GAP43: variants seen among roughly 807,000 people sequenced by gnomAD.
GAP43 encodes the protein growth associated protein 43.
Under a neutral mutation model 18.6 loss-of-function variants are expected in GAP43, and 6 were observed. That is an observed-to-expected ratio of 0.32 (90% confidence interval 0.18 to 0.64). The LOEUF is 0.64. Among genes scored for constraint, GAP43 ranks in the 30% least tolerant of loss-of-function variants. The pLI is 0.78. For synonymous variants in GAP43, 115 were observed against 111.4 expected (o/e 1.03, Z -0.20); for missense variants, 292 against 295.5 (o/e 0.99, Z 0.09).
chr3:115,676,887 T>C (rs1349730536), intron 2 of GAP43, among the ~76,000 whole-genome samples: 3 of 152,200 alleles, frequency 2.0e-5, no homozygotes, highest in African/African-American at 4.8e-5. Context: ...TGGATTGATA[T>C]ATGCAGTCAA....
intron 2 of GAP43, among the ~76,000 whole-genome samples, chr3:115,682,108 A>G (rs1708964929): frequency 6.6e-6 from 1 of 152,198 alleles, no homozygotes; most frequent in Non-Finnish European, 1.5e-5. Flanking sequence ...TCTAGTAACT[A>G]CTATAATTCC....
chr3:115,625,717 C>T (rs1223087568), intron 1 of GAP43, among the ~76,000 whole-genome samples: 4 of 152,124 alleles, frequency 2.6e-5, no homozygotes, highest in Non-Finnish European at 5.9e-5. Context: ...AGCTGCCTTC[C>T]CTGGGGCTCT....
At chr3:115,633,956 C>T (rs1457745536) in intron 1 of GAP43, among the ~76,000 whole-genome samples, 2 of 152,142 alleles carry the variant, frequency 1.3e-5, no homozygotes, top group Non-Finnish European at 2.9e-5. Flanking sequence ...TGAATTAATT[C>T]CAGCAATAAT....
At chr3:115,623,814 C>G (rs775601717) in intron 1 of GAP43, 95 bp downstream of exon 1, 7 of 1,295,536 alleles carry the variant, frequency 5.4e-6, no homozygotes, top group Admixed American at 1.7e-5. Flanking sequence ...TGCTTCTGCT[C>G]TGGCCGTGGT....
intron 2 of GAP43, among the ~76,000 whole-genome samples, chr3:115,687,566 C>T (rs1175086819): frequency 2.0e-5 from 3 of 152,096 alleles, no homozygotes. Flanking sequence ...AATCAATGAA[C>T]TTTGAGTTGT....
intron 2 of GAP43, among the ~76,000 whole-genome samples, chr3:115,687,336 G>A (rs1188096643): frequency 6.6e-6 from 1 of 152,076 alleles, no homozygotes; most frequent in Non-Finnish European, 1.5e-5. Context: ...TAGATTTTGT[G>A]TATTACTTAT....
chr3:115,623,577 A>G lies in GAP43; in HGVS notation c.-113A>G, dbSNP rs1246187046. 2 of 1,387,384 alleles carry G rather than the reference A, an allele frequency of 1.4e-6. No individual in the cohort carries two copies. Among genetic ancestry groups the G allele is most frequent in the African/African-American group, 1.4e-5 (1 of 69,634 alleles). The allele number at this position is 1,387,384 out of a possible 1,614,324, so 85.9% of individuals were successfully genotyped here. On this transcript the variant is annotated 5_prime_UTR_variant, in exon 1 of 3. Transcript: ENST00000305124. Reference sequence around the variant, plus strand: ...GGGAGGGAGGGAGAGAGAGCGCGCTAGCGCGAGAGAGCGAGTGAGCAAGCG... The same window carrying G: ...GGGAGGGAGGGAGAGAGAGCGCGCTGGCGCGAGAGAGCGAGTGAGCAAGCG...
intron 1 of GAP43, among the ~76,000 whole-genome samples, chr3:115,645,907 C>CT (rs1708453033): frequency 6.6e-6 from 1 of 151,994 alleles, no homozygotes; most frequent in Non-Finnish European, 1.5e-5. Context: ...ACACAAAACT[C>CT]TTAACTCCGG....
chr3:115,643,712 C>A (rs763009448), intron 1 of GAP43, among the ~76,000 whole-genome samples: 3 of 151,968 alleles, frequency 2.0e-5, no homozygotes, highest in Non-Finnish European at 2.9e-5. Flanking sequence ...CACTCCTTAT[C>A]TGTCCCCTTT....
At chr3:115,662,482 G>T (rs1708674945) in intron 1 of GAP43, among the ~76,000 whole-genome samples, 1 of 152,136 alleles carries the variant, frequency 6.6e-6, no homozygotes, top group Non-Finnish European at 1.5e-5. Context: ...AATTTTCTAT[G>T]TAGTAACTGT....
intron 1 of GAP43, among the ~76,000 whole-genome samples, chr3:115,639,322 A>G (rs890644209): frequency 3.9e-5 from 6 of 152,158 alleles, no homozygotes; most frequent in Admixed American, 1.3e-4. Context: ...TCAGAAAGAT[A>G]GCCGTCCTTG....
chr3:115,721,073 G>T lies in GAP43; in HGVS notation c.*191G>T, dbSNP rs1329959067. ...AAAAAAAAAAAAAAAAAGCAGGAAA[G>T]ATCCCAAGTCAAACAGTGTGGCTTA... is the stretch of plus-strand genomic sequence containing the variant. On this transcript the variant is annotated 3_prime_UTR_variant, in exon 3 of 3. Coordinates refer to ENST00000305124, the MANE Select transcript of GAP43 (RefSeq NM_002045.4). 1.8e-5 allele frequency: 6 copies of T among 340,318 alleles called. No homozygotes were observed. The highest frequency in any genetic ancestry group is 8.2e-4 in the Middle Eastern group (1 of 1,220). The allele number at this position is 340,318 out of a possible 1,614,324, so 21.1% of individuals were successfully genotyped here. A position where few individuals can be genotyped will look rare whatever the true frequency, so the allele number is the denominator to read the frequency against.
At chr3:115,663,869 C>T (rs980809927) in intron 1 of GAP43, 54 of 1,551,978 alleles carry the variant, frequency 3.5e-5, no homozygotes, top group African/African-American at 4.1e-5. Context: ...GAGAGCAGTT[C>T]GACCTAGTCC....
At chr3:115,654,493 T>C (rs947303899) in intron 1 of GAP43, among the ~76,000 whole-genome samples, 1 of 152,226 alleles carries the variant, frequency 6.6e-6, no homozygotes, top group African/African-American at 2.4e-5. Context: ...AGCTCTGTTT[T>C]AATTGAACAC....
At chr3:115,657,329 G>C (rs1327624637) in intron 1 of GAP43, among the ~76,000 whole-genome samples, 3 of 152,190 alleles carry the variant, frequency 2.0e-5, no homozygotes, top group Admixed American at 6.5e-5. Flanking sequence ...ACGAAGAAAG[G>C]AACACTGGGT....
chr3:115,658,521 T>G (rs888734218), intron 1 of GAP43: 3 of 152,238 alleles, frequency 2.0e-5, no homozygotes, highest in Non-Finnish European at 1.5e-5. Context: ...ACCGGCTCTC[T>G]GCGCCCCCAC....
intron 1 of GAP43, among the ~76,000 whole-genome samples, chr3:115,641,346 G>A (rs147189462): frequency 1.1e-4 from 16 of 151,364 alleles, no homozygotes; most frequent in East Asian, 7.9e-4. Context: ...ATGTGTGTGC[G>A]TGCACGTGTA....
At chr3:115,697,966 A>C (rs919380071) in intron 2 of GAP43, among the ~76,000 whole-genome samples, 7 of 127,850 alleles carry the variant, frequency 5.5e-5, no homozygotes, top group African/African-American at 1.7e-4. Context: ...CTGCATAAAA[A>C]TTCACAGAGT....
rs372035330 is a variant in GAP43, at chr3:115,716,416, T to C, written c.629-4378T>C. ...AAAGTAGGGCTAGCTAGAGCAGGTGTATTGTCCACATCTGGCTATTGTTCC... is the reference window on the plus strand; with the variant it reads ...AAAGTAGGGCTAGCTAGAGCAGGTGCATTGTCCACATCTGGCTATTGTTCC... On this transcript the variant is annotated intron_variant, in intron 2 of 2. Transcript: ENST00000305124. Among the ~76,000 whole-genome samples, 10 of 152,244 alleles carry C rather than the reference T, an allele frequency of 6.6e-5. No homozygotes were observed. The East Asian group carries it at 1.7e-3, about 27-fold the overall frequency.
Sources: allele counts gnomAD v4.1 joint callset (sites outside exome capture counted in the v4.1 genomes callset), GRCh38; gene constraint gnomAD v4.1.1; transcripts MANE v1.5; gene names NCBI Gene and HGNC (gene_info 2026-07-23, HGNC 2026-07-21).